The following RPS24 variants were observed in gnomAD, a reference collection of about 807,000 sequenced individuals.
The protein encoded by RPS24 is small ribosomal subunit protein eS24.
For missense variants in RPS24, 100 were observed against 162.5 expected, an observed-to-expected ratio of 0.62 and a Z score of 2.09; for synonymous variants, 72 against 55.6, an observed-to-expected ratio of 1.30 and a Z score of -1.31.
chr10:78,054,755 C>T (rs1332176653), exon 5 of RPS24: 2 of 1,551,676 alleles, frequency 1.3e-6, no homozygotes, highest in South Asian at 2.4e-5. Flanking sequence ...GAGAACAGTG[C>T]TGCCAGGCGT....
At chr10:78,044,125 G>A (rs1352669982), downstream of RPS24, among the ~76,000 whole-genome samples, 1 of 152,146 alleles carries the variant, frequency 6.6e-6, no homozygotes. Flanking sequence ...ACTTGGTGTA[G>A]ATAGGGTTTG....
chr10:78,041,709 G>A (rs1847987751), downstream of RPS24, among the ~76,000 whole-genome samples: 1 of 152,308 alleles, frequency 6.6e-6, no homozygotes, highest in East Asian at 1.9e-4. Context: ...TGAGGATCCT[G>A]ACAGTGCTGC....
chr10:78,053,605 G>A (rs1400056851), intron 4 of RPS24, among the ~76,000 whole-genome samples: 2 of 152,140 alleles, frequency 1.3e-5, no homozygotes, highest in East Asian at 3.9e-4. Context: ...GCCTGAGAGG[G>A]GAGAAGGAAC....
intron 4 of RPS24, among the ~76,000 whole-genome samples, chr10:78,047,945 T>G (rs1486036625): frequency 1.3e-5 from 2 of 152,242 alleles, no homozygotes; most frequent in Non-Finnish European, 2.9e-5. Flanking sequence ...CACCACACTT[T>G]AAGATCTCTG....
At chr10:78,043,560 G>C (rs899057529), downstream of RPS24, among the ~76,000 whole-genome samples, 1 of 152,064 alleles carries the variant, frequency 6.6e-6, no homozygotes, top group Non-Finnish European at 1.5e-5. Context: ...ACAAGTGTTA[G>C]ATGGCTAGCC....
intron 4 of RPS24, among the ~76,000 whole-genome samples, chr10:78,047,073 A>C (rs1187847213): frequency 6.6e-6 from 1 of 150,438 alleles, no homozygotes; most frequent in Non-Finnish European, 1.5e-5. Context: ...TCTCCACCTC[A>C]GCTTCCTGAG....
At chr10:78,034,585 A>G (rs1040470593) in intron 1 of RPS24, among the ~76,000 whole-genome samples, 1 of 152,218 alleles carries the variant, frequency 6.6e-6, no homozygotes, top group Admixed American at 6.5e-5. Context: ...AAAATGGAGA[A>G]AGTCTAGGAA....
At chr10:78,054,628 G>A in exon 5 of RPS24, 1 of 1,551,708 alleles carries the variant, frequency 6.4e-7, no homozygotes, top group East Asian at 2.4e-5. Flanking sequence ...GAAAGCCGGG[G>A]GGTTGTGTGG....
At position 78,035,394 on chromosome 10, in the gene RPS24, C is replaced by G. The variant is rs104894189; in HGVS notation, c.46C>G (p.Arg16Gly). Residue 16 changes from arginine (R) to glycine (G), a missense_variant, in exon 2 of 6, where the codon CGA (arginine) becomes GGA (glycine). Transcript: ENST00000372360. ...TIRTRKFMTN[R>G]LLQRKQMVID... ...CCGCACTAGAAAGTTCATGACCAACCGACTACTTCAGAGGAAACAAATGGT... is the reference window on the plus strand; with the variant it reads ...CCGCACTAGAAAGTTCATGACCAACGGACTACTTCAGAGGAAACAAATGGT... The G allele has an allele frequency of 6.2e-7, 1 of 1,613,998 alleles. No individual in the cohort carries two copies. Among genetic ancestry groups the G allele is most frequent in the African/African-American group, 1.3e-5 (1 of 74,894 alleles).
intron 4 of RPS24, chr10:78,039,700 A>G (rs1388111647): frequency 6.0e-6 from 1 of 167,096 alleles, no homozygotes; most frequent in Non-Finnish European, 1.3e-5. Context: ...ACTAACTTGT[A>G]CTACTTTTGT....
At chr10:78,043,891 T>A (rs1564631376), downstream of RPS24, among the ~76,000 whole-genome samples, 1 of 152,196 alleles carries the variant, frequency 6.6e-6, no homozygotes, top group East Asian at 1.9e-4. Context: ...CCAAAAGTGA[T>A]GATCCTCTTG....
chr10:78,046,483 A>G (rs971838820), intron 4 of RPS24, among the ~76,000 whole-genome samples: 1 of 150,130 alleles, frequency 6.7e-6, no homozygotes, highest in Non-Finnish European at 1.5e-5. Context: ...CTCAGCCTCC[A>G]TAGTAGCTGG....
At chr10:78,041,983 AAACTC>A (rs891454545), downstream of RPS24, among the ~76,000 whole-genome samples, 125 of 152,344 alleles carry the variant, frequency 8.2e-4, no homozygotes, top group African/African-American at 3.0e-3. Flanking sequence ...AGGTGGGATG[AAACTC>A]AGGCTTGGCC....
chr10:78,037,180 C>T lies in RPS24; in HGVS notation c.280-14C>T. On this transcript the variant is annotated splice_polypyrimidine_tract_variant and intron_variant, in intron 3 of 5. Coordinates refer to ENST00000372360, the MANE Select transcript of RPS24 (RefSeq NM_033022.4). Reference sequence around the variant, plus strand: ...TGTTTACAAGTCACCTGGATGTACTCTTTTCTCATTCAGCATGGCCTGTAT... The same window carrying T: ...TGTTTACAAGTCACCTGGATGTACTTTTTTCTCATTCAGCATGGCCTGTAT... 6.3e-7 allele frequency: 1 copy of T among 1,592,168 alleles called. No homozygotes were observed. Among genetic ancestry groups the T allele is most frequent in the Non-Finnish European group, 8.5e-7 (1 of 1,169,756 alleles).
intron 4 of RPS24, among the ~76,000 whole-genome samples, chr10:78,047,562 G>T (rs1284970321): frequency 6.6e-6 from 1 of 152,066 alleles, no homozygotes; most frequent in East Asian, 1.9e-4. Flanking sequence ...AGATCAACTG[G>T]AGAGGTCACT....
In RPS24 at chr10:78,040,240, T is replaced by G; in HGVS notation, c.*19+15T>G. 2 of 1,610,374 alleles carry G rather than the reference T, an allele frequency of 1.2e-6. No homozygotes were observed. Among genetic ancestry groups the G allele is most frequent in the Non-Finnish European group, 1.7e-6 (2 of 1,176,666 alleles). On this transcript the variant is annotated intron_variant, in intron 5 of 5. Transcript: ENST00000372360. ...TTGGATCACAGGTATAATTCAAGCTTTTCATGTAGTCATGTAGATCACTAG... is the reference window on the plus strand; with the variant it reads ...TTGGATCACAGGTATAATTCAAGCTGTTCATGTAGTCATGTAGATCACTAG...
At chr10:78,047,178 C>G (rs1848052559) in intron 4 of RPS24, among the ~76,000 whole-genome samples, 1 of 151,072 alleles carries the variant, frequency 6.6e-6, no homozygotes, top group Non-Finnish European at 1.5e-5. Flanking sequence ...GTTGGTCTGG[C>G]TGGTCTTGAA....
chr10:78,037,660 A>G (rs910309079), intron 4 of RPS24: 8 of 326,050 alleles, frequency 2.5e-5, no homozygotes, highest in African/African-American at 4.3e-5. Flanking sequence ...GATTTTACTT[A>G]TTAATATGGA....
downstream of RPS24, among the ~76,000 whole-genome samples, chr10:78,045,664 G>A (rs1351347286): frequency 6.6e-6 from 1 of 151,678 alleles, no homozygotes; most frequent in African/African-American, 2.4e-5. Context: ...TGTATTTTTA[G>A]TAGAGATGGG....
Sources: gnomAD v4.1 joint callset for allele counts (sites outside exome capture counted in the v4.1 genomes callset) on GRCh38, gnomAD v4.1.1 for gene constraint, MANE v1.5 for transcripts, NCBI Gene and HGNC (gene_info 2026-07-23, HGNC 2026-07-21) for gene names.